The following TATDN1 variants were observed in gnomAD, a reference collection of about 807,000 sequenced individuals.
TATDN1 encodes TatD DNase domain containing 1.
Under a neutral mutation model 46.4 loss-of-function variants are expected in TATDN1, and 40 were observed. The observed-to-expected ratio is 0.86, with a 90% CI of 0.67 to 1.12. The LOEUF (loss-of-function observed/expected upper bound fraction) is 1.12. Ranked by LOEUF, TATDN1 falls within the 50% of genes most tolerant of loss-of-function variation. The pLI, the probability that TATDN1 is intolerant of heterozygous loss-of-function variation, is 0.00. For missense variants in TATDN1, 326 were observed against 348.4 expected, an observed-to-expected ratio of 0.94 and a Z score of 0.51; for synonymous variants, 95 against 105.6, an observed-to-expected ratio of 0.90 and a Z score of 0.62.
chr8:124,496,253 C>T (rs1270410662), intron 9 of TATDN1, among the ~76,000 whole-genome samples: 2 of 152,174 alleles, frequency 1.3e-5, no homozygotes, highest in Non-Finnish European at 2.9e-5. Context: ...ATAAAAAGTA[C>T]AGAGATTCCC....
intron 9 of TATDN1, among the ~76,000 whole-genome samples, chr8:124,500,877 G>A (rs943662130): frequency 6.6e-6 from 1 of 151,912 alleles, no homozygotes; most frequent in Non-Finnish European, 1.5e-5. Context: ...AATGATAAAA[G>A]ACCAGTGTTT....
chr8:124,501,252 C>T (rs1020306994), intron 9 of TATDN1, among the ~76,000 whole-genome samples: 2 of 152,124 alleles, frequency 1.3e-5, no homozygotes, highest in Admixed American at 1.3e-4. Context: ...CACTGTTCCC[C>T]ACTTTTCCAG....
Position 124,488,522 on chromosome 8 carries a change from T to C in TATDN1, c.*72A>G. 1 of 765,150 alleles carries C rather than the reference T, an allele frequency of 1.3e-6. No homozygotes were observed. 47.4% of individuals were successfully genotyped at this position (765,150 alleles called of 1,614,324 possible). A position where few individuals can be genotyped will look rare whatever the true frequency, so the allele number is the denominator to read the frequency against. On this transcript the variant is annotated 3_prime_UTR_variant, in exon 12 of 12. Coordinates refer to ENST00000276692, the MANE Select transcript of TATDN1 (RefSeq NM_032026.4). Reference sequence around the variant, plus strand: ...CTTTAGACAACTTGCAGATAATTTCTTTATTGAAACTATCAGGAAGTTTTA... The same window carrying C: ...CTTTAGACAACTTGCAGATAATTTCCTTATTGAAACTATCAGGAAGTTTTA...
chr8:124,518,461 T>C (rs1819718369), intron 4 of TATDN1, among the ~76,000 whole-genome samples: 3 of 149,746 alleles, frequency 2.0e-5, no homozygotes, highest in South Asian at 2.1e-4. Context: ...GAGGTGGAGT[T>C]TGCAGTGAGC....
At chr8:124,506,088 AC>A (rs1818384578) in intron 8 of TATDN1, among the ~76,000 whole-genome samples, 1 of 152,072 alleles carries the variant, frequency 6.6e-6, no homozygotes, top group Non-Finnish European at 1.5e-5. Context: ...TAATCCCAGC[AC>A]TTTGGGAGGC....
At chr8:124,492,253 A>G (rs532143750) in intron 11 of TATDN1, among the ~76,000 whole-genome samples, 10 of 152,242 alleles carry the variant, frequency 6.6e-5, no homozygotes, top group African/African-American at 2.4e-4. Flanking sequence ...GGGATTACAG[A>G]TGTGAGCCAC....
intron 9 of TATDN1, among the ~76,000 whole-genome samples, chr8:124,501,917 A>G (rs903526226): frequency 6.6e-6 from 1 of 152,242 alleles, no homozygotes; most frequent in Admixed American, 6.5e-5. Context: ...AAACTAGGTC[A>G]CAGGTAAAGG....
In TATDN1 at chr8:124,508,595, T is replaced by C. The variant is rs748425802; in HGVS notation, c.475+8A>G. The C allele has an allele frequency of 2.5e-6, 4 of 1,607,076 alleles. No homozygotes were observed. The highest frequency in any genetic ancestry group is 1.7e-6 in the Non-Finnish European group (2 of 1,176,990). On this transcript the variant is annotated splice_region_variant and intron_variant, in intron 7 of 11. Transcript: ENST00000276692. ...TAAGTTCTGAATGAGACTTTGGTTT[T>C]AACTCACCCAAAAATTCAGCATGTG...
At chr8:124,535,732 G>C (rs1399312972) in intron 1 of TATDN1, among the ~76,000 whole-genome samples, 1 of 152,208 alleles carries the variant, frequency 6.6e-6, no homozygotes, top group Non-Finnish European at 1.5e-5. Context: ...CTGAGACTGG[G>C]TGATTTATAA....
intron 11 of TATDN1, chr8:124,489,862 C>T (rs917276142): frequency 6.6e-6 from 1 of 152,136 alleles, no homozygotes; most frequent in Non-Finnish European, 1.5e-5. Flanking sequence ...GCTTTTTGTT[C>T]CCTTAGTATC....
chr8:124,507,903 T>C (rs935386241), intron 8 of TATDN1, among the ~76,000 whole-genome samples: 2 of 152,148 alleles, frequency 1.3e-5, no homozygotes, highest in Admixed American at 1.3e-4. Flanking sequence ...TAATTAAAAC[T>C]GATTTGTGTT....
chr8:124,532,979 G>A (rs921034620), intron 1 of TATDN1, among the ~76,000 whole-genome samples: 5 of 152,196 alleles, frequency 3.3e-5, no homozygotes, highest in Non-Finnish European at 5.9e-5. Flanking sequence ...GGGGCCAGGT[G>A]TAGTGGCTCA....
intron 10 of TATDN1, chr8:124,495,267 C>A (rs1434685181): frequency 5.4e-6 from 3 of 560,464 alleles, no homozygotes; most frequent in Non-Finnish European, 9.3e-6. Flanking sequence ...TTAGACATAG[C>A]AAACTTCTAA....
At position 124,500,109 on chromosome 8, in the gene TATDN1, C is replaced by T. The variant is rs375084559; in HGVS notation, c.593+4162G>A. Among the ~76,000 whole-genome samples, 253 of 152,276 alleles carry T rather than the reference C, an allele frequency of 1.7e-3. 1 individual carries two copies. Among genetic ancestry groups the T allele is most frequent in the African/African-American group, 6.0e-3 (249 of 41,552 alleles). ...CCACCCACCTTAGCCTCCCAAAGTGCTGGGATTACAGGCGTGAGCCACAAT... is the reference window on the plus strand; with the variant it reads ...CCACCCACCTTAGCCTCCCAAAGTGTTGGGATTACAGGCGTGAGCCACAAT... On this transcript the variant is annotated intron_variant, in intron 9 of 11. Transcript: ENST00000276692.
chr8:124,489,313 G>T (rs1299909551), intron 11 of TATDN1: 1 of 152,130 alleles, frequency 6.6e-6, no homozygotes, highest in Non-Finnish European at 1.5e-5. Context: ...AGAGAAATAA[G>T]CCCAGGTGTC....
rs746711594 is a variant in TATDN1, at chr8:124,522,204, T to C, written c.89-4A>G. 6.3e-6 allele frequency: 10 copies of C among 1,585,722 alleles called. No homozygotes were observed. Among genetic ancestry groups the C allele is most frequent in the Non-Finnish European group, 8.6e-6 (10 of 1,164,312 alleles). ...CCTATTACATCCTGTAAGTCATCTG[T>C]AAAAGATAAACTCTGTATTATGAAA... On this transcript the variant is annotated splice_polypyrimidine_tract_variant and splice_region_variant and intron_variant, in intron 2 of 11. Coordinates refer to ENST00000276692, the MANE Select transcript of TATDN1 (RefSeq NM_032026.4).
chr8:124,489,461 T>C (rs1388776712), intron 11 of TATDN1: 1 of 152,136 alleles, frequency 6.6e-6, no homozygotes, highest in East Asian at 1.9e-4. Context: ...TTGCTCAGGC[T>C]GGAGTGCAGT....
chr8:124,492,934 C>T (rs1817149008), intron 11 of TATDN1, among the ~76,000 whole-genome samples: 2 of 151,870 alleles, frequency 1.3e-5, no homozygotes, highest in Admixed American at 6.6e-5. Context: ...GGAATACAGG[C>T]GCAGGCCACC....
At chr8:124,519,742 G>A (rs1819864043) in intron 3 of TATDN1, among the ~76,000 whole-genome samples, 1 of 152,184 alleles carries the variant, frequency 6.6e-6, no homozygotes, top group African/African-American at 2.4e-5. Context: ...TTCTCTGTAG[G>A]AAAACGTATG....
Sources: allele counts gnomAD v4.1 joint callset (sites outside exome capture counted in the v4.1 genomes callset), GRCh38; gene constraint gnomAD v4.1.1; transcripts MANE v1.5; gene names NCBI Gene and HGNC (gene_info 2026-07-23, HGNC 2026-07-21).